EPHX4: variants seen among roughly 807,000 people sequenced by gnomAD.
EPHX4 encodes the protein abhydrolase domain containing 7.
A neutral mutation model predicts 44.9 loss-of-function variants in EPHX4; 31 were observed. That is an observed-to-expected ratio of 0.69 (90% CI 0.52 to 0.93). The LOEUF (loss-of-function observed/expected upper bound fraction) is 0.93, where lower values mean the gene tolerates loss of function less well. Ranked by LOEUF, EPHX4 falls within the 40% of genes least tolerant of loss-of-function variation. The probability of loss-of-function intolerance (pLI) is 0.00; values close to 1 mark genes in which losing one functional copy is unlikely to be tolerated. For missense variants in EPHX4, 373 were observed against 438.1 expected, an observed-to-expected ratio of 0.85 and a Z score of 1.33; for synonymous variants, 151 against 159.7, an observed-to-expected ratio of 0.95 and a Z score of 0.41.
chr1:92,050,282 C>A (rs1370541822), intron 4 of EPHX4, 35 bp from the exon 5 acceptor site: 4 of 1,340,514 alleles, frequency 3.0e-6, no homozygotes, highest in African/African-American at 2.9e-5. Flanking sequence ...ATTTATACCC[C>A]TTGGATAAGG....
rs1159744597 is a variant in EPHX4 at position 92,052,518 on chromosome 1, A to G, written c.717A>G (p.Lys239=). Reference sequence around the variant, plus strand: ...TTTCTCACTTAAATTAGGTTTTGAAACATCTGTTTACCAGTCACAGCACTG... The same window carrying G: ...TTTCTCACTTAAATTAGGTTTTGAAGCATCTGTTTACCAGTCACAGCACTG... ...MFSINDFKVL[K]HLFTSHSTGI... is the part of the protein sequence containing the mutation. The change falls in exon 6 of 7, where the codon AAA becomes AAG. Residue 239 remains lysine (K), a synonymous_variant. Coordinates refer to ENST00000370383, the MANE Select transcript of EPHX4 (RefSeq NM_173567.5). The G allele has an allele frequency of 6.3e-7, 1 of 1,596,832 alleles. No homozygotes were observed. The highest frequency in any genetic ancestry group is 8.5e-7 in the Non-Finnish European group (1 of 1,174,698).
At chr1:92,030,400 G>A in intron 1 of EPHX4, 90 bp downstream of exon 1, 2 of 1,210,800 alleles carry the variant, frequency 1.7e-6, no homozygotes, top group Non-Finnish European at 2.2e-6. Context: ...CGAGACGCTG[G>A]CTCAGCGTCC....
intron 6 of EPHX4, among the ~76,000 whole-genome samples, chr1:92,060,692 G>A (rs1647476893): frequency 6.6e-6 from 1 of 151,970 alleles, no homozygotes; most frequent in African/African-American, 2.4e-5. Flanking sequence ...GCCAAAGTGG[G>A]TGGATCACAT....
chr1:92,052,699 T>A, intron 6 of EPHX4, 41 bp downstream of exon 6: 2 of 1,516,802 alleles, frequency 1.3e-6, no homozygotes, highest in Non-Finnish European at 1.8e-6. Flanking sequence ...AATATTTCAG[T>A]CTGATCCTAC....
rs1647544042 is a variant in EPHX4 at position 92,063,439 on chromosome 1, T to C, written c.*153T>C. On this transcript the variant is annotated 3_prime_UTR_variant, in exon 7 of 7. Coordinates refer to ENST00000370383, the MANE Select transcript of EPHX4 (RefSeq NM_173567.5). ...CTGACAAATGGTATTGAAAAAAATC[T>C]GAGATCATGTGAACATATAATACAA... 3 of 586,788 alleles carry C rather than the reference T, an allele frequency of 5.1e-6. No homozygotes were observed. Among genetic ancestry groups the C allele is most frequent in the African/African-American group, 3.7e-5 (2 of 53,914 alleles). 36.3% of individuals were successfully genotyped at this position (586,788 alleles called of 1,614,324 possible).
At chr1:92,038,551 G>A (rs568423316) in intron 2 of EPHX4, among the ~76,000 whole-genome samples, 2 of 152,242 alleles carry the variant, frequency 1.3e-5, no homozygotes, top group East Asian at 3.9e-4. Context: ...TCGTGGAAGA[G>A]CCAGGTATCA....
chr1:92,040,956 A>G (rs949272123), intron 2 of EPHX4, among the ~76,000 whole-genome samples: 3 of 151,334 alleles, frequency 2.0e-5, no homozygotes, highest in African/African-American at 4.9e-5. Flanking sequence ...TTTACACTGT[A>G]TTTCCATGAA....
At chr1:92,044,735 G>A (rs1014104032) in intron 3 of EPHX4, among the ~76,000 whole-genome samples, 6 of 152,196 alleles carry the variant, frequency 3.9e-5, no homozygotes, top group Admixed American at 3.9e-4. Context: ...AGAGATAGAT[G>A]CTTCCTGGAA....
rs770428696 is a variant in EPHX4, at chr1:92,052,676, TTA to T, written c.857+19_857+20del. 22 of 1,566,662 alleles carry T rather than the reference TTA, an allele frequency of 1.4e-5. No individual in the cohort carries two copies. The highest frequency in any genetic ancestry group is 4.1e-5 in the Admixed American group (2 of 49,354). On this transcript the variant is annotated intron_variant, in intron 6 of 6. Coordinates refer to ENST00000370383, the MANE Select transcript of EPHX4 (RefSeq NM_173567.5). ...ATCTTCAGGTAAGTATAATTTCTTT[TTA>T]GTTAAATAAAAATATTTCAGTCTGA...
At chr1:92,052,799 CT>C in intron 6 of EPHX4, 141 bp downstream of exon 6, 1 of 704,294 alleles carries the variant, frequency 1.4e-6, no homozygotes, top group Non-Finnish European at 2.2e-6. Flanking sequence ...GTTGCATAAT[CT>C]TTTTATGGAC....
At position 92,063,058 on chromosome 1, in the gene EPHX4, C is replaced by T; in HGVS notation, c.861C>T (p.Cys287=). Residue 287 remains cysteine (C), a synonymous_variant, in exon 7 of 7, where the codon TGC becomes TGT. Coordinates refer to ENST00000370383, the MANE Select transcript of EPHX4 (RefSeq NM_173567.5). ...PINHYRNIFS[C]LPLKHHMVTT... The stretch of plus-strand genomic sequence containing the variant: ...CCCATGTATTTTGTTTTTATAGCTG[C>T]CTGCCTCTCAAACATCACATGGTGA... 5.0e-6 allele frequency: 8 copies of T among 1,603,664 alleles called. No individual in the cohort carries two copies. Among genetic ancestry groups the T allele is most frequent in the Non-Finnish European group, 6.8e-6 (8 of 1,174,406 alleles).
chr1:92,030,456 T>TCGTGTG, intron 1 of EPHX4, 146 bp downstream of exon 1: 1 of 270,774 alleles, frequency 3.7e-6, no homozygotes, highest in South Asian at 3.0e-5. Flanking sequence ...TCCCTGTGTG[T>TCGTGTG]CGTGTGTGTG....
chr1:92,030,490 G>GTGTGTGTGT lies in EPHX4; in HGVS notation c.231+180_231+181insTGTGTGTGT, dbSNP rs1383490491. 6.6e-4 allele frequency among the ~76,000 whole-genome samples: 84 copies of GTGTGTGTGT among 127,760 alleles called. 3 individuals are homozygous for GTGTGTGTGT. The highest frequency in any genetic ancestry group is 2.4e-3 in the African/African-American group (80 of 32,842). The allele number at this position is 127,760 out of a possible 152,430, so 83.8% of individuals were successfully genotyped here. ...TGTGTGTGTGTGTGTGTGTGTGAGAGAGAGAGAGAGAGAGAGAGATACAGA... is the reference window on the plus strand; with the variant it reads ...TGTGTGTGTGTGTGTGTGTGTGAGAGTGTGTGTGTAGAGAGAGAGAGAGAGAGATACAGA... On this transcript the variant is annotated intron_variant, in intron 1 of 6. Transcript: ENST00000370383.
chr1:92,050,196 C>A, intron 4 of EPHX4, 121 bp from the exon 5 acceptor site: 3 of 630,688 alleles, frequency 4.8e-6, no homozygotes, highest in Admixed American at 3.3e-5. Context: ...TCCAAAGAAG[C>A]CTTACTTATG....
chr1:92,035,220 G>A (rs906242898), intron 2 of EPHX4, among the ~76,000 whole-genome samples: 3 of 152,158 alleles, frequency 2.0e-5, no homozygotes, highest in Non-Finnish European at 4.4e-5. Context: ...TAATGAGGTG[G>A]TAGATTAGCT....
At position 92,063,451 on chromosome 1, in the gene EPHX4, A is replaced by T. The variant is rs1647544439; in HGVS notation, c.*165A>T. 1 of 556,032 alleles carries T rather than the reference A, an allele frequency of 1.8e-6. No homozygotes were observed. The allele number at this position is 556,032 out of a possible 1,614,324, so 34.4% of individuals were successfully genotyped here. On this transcript the variant is annotated 3_prime_UTR_variant, in exon 7 of 7. Coordinates refer to ENST00000370383, the MANE Select transcript of EPHX4 (RefSeq NM_173567.5). ...ATTGAAAAAAATCTGAGATCATGTG[A>T]ACATATAATACAATGTTGATTTTCT...
At chr1:92,031,093 C>T (rs1688353205) in intron 1 of EPHX4, among the ~76,000 whole-genome samples, 2 of 152,108 alleles carry the variant, frequency 1.3e-5, no homozygotes, top group Non-Finnish European at 2.9e-5. Context: ...GTCACCAAGT[C>T]CTTATTTCCT....
intron 2 of EPHX4, among the ~76,000 whole-genome samples, chr1:92,038,634 A>G (rs139228822): frequency 0.011 from 1,601 of 152,270 alleles, 34 homozygotes; most frequent in African/African-American, 0.036. Flanking sequence ...CACGCACCCC[A>G]GCTGTAATGG....
intron 6 of EPHX4, among the ~76,000 whole-genome samples, chr1:92,055,836 C>T (rs1056165618): frequency 6.6e-6 from 1 of 152,036 alleles, no homozygotes; most frequent in Non-Finnish European, 1.5e-5. Context: ...ATCTTTTTAT[C>T]GCACTTCCTT....
Sources: allele counts gnomAD v4.1 joint callset (sites outside exome capture counted in the v4.1 genomes callset), GRCh38; gene constraint gnomAD v4.1.1; transcripts MANE v1.5; gene names NCBI Gene and HGNC (gene_info 2026-07-23, HGNC 2026-07-21).